TET3: variants seen among roughly 807,000 people sequenced by gnomAD.
TET3 encodes the protein methylcytosine dioxygenase TET3.
In TET3, 19 loss-of-function variants were observed where a neutral mutation model predicts 141.4. The ratio of observed to expected loss-of-function variants is 0.13; its 90% CI spans 0.09 to 0.20. TET3 has a LOEUF of 0.20. Ranked by LOEUF, TET3 falls within the 10% of genes least tolerant of loss-of-function variation. The pLI, the probability that TET3 is intolerant of heterozygous loss-of-function variation, is 1.00. For missense variants in TET3, 1,874 were observed against 2,356.9 expected, an observed-to-expected ratio of 0.80 and a Z score of 4.24; for synonymous variants, 1,043 against 980.9, an observed-to-expected ratio of 1.06 and a Z score of -1.18.
chr2:74,000,206 A>T (rs1297463704), intron 2 of TET3, among the ~76,000 whole-genome samples: 1 of 152,140 alleles, frequency 6.6e-6, no homozygotes, highest in African/African-American at 2.4e-5. Context: ...GACCTCAGGG[A>T]GAAGGCTGAC....
At position 74,099,602 on chromosome 2, in the gene TET3, G is replaced by A. The variant is rs777890533; in HGVS notation, c.3594G>A (p.Thr1198=). The change falls in exon 11 of 12, where the codon ACG becomes ACA. Residue 1198 remains threonine (T), a synonymous_variant. Transcript: ENST00000409262. Reference sequence around the variant, plus strand: ...AGGCCCTGGAGCTGGCGGGCATTACGTCGGACCCAGGTGTGTGGGGGGAGG... The same window carrying A: ...AGGCCCTGGAGCTGGCGGGCATTACATCGGACCCAGGTGTGTGGGGGGAGG... ...KQEALELAGI[T]SDPGLSLKGG... is the part of the protein sequence containing the mutation. 5.7e-6 allele frequency: 9 copies of A among 1,574,408 alleles called. No homozygotes were observed. The highest frequency in any genetic ancestry group is 2.3e-5 in the East Asian group (1 of 42,920).
At chr2:74,132,918 T>C in the TET3 span, among the ~76,000 whole-genome samples, 1 of 151,948 alleles carries the variant, frequency 6.6e-6, no homozygotes, top group African/African-American at 2.4e-5. Flanking sequence ...TTCTTTTTGA[T>C]ACGGAGTCTG....
intron 6 of TET3, among the ~76,000 whole-genome samples, chr2:74,086,992 G>A (rs1022967818): frequency 4.0e-5 from 6 of 151,856 alleles, no homozygotes; most frequent in Non-Finnish European, 8.8e-5. Flanking sequence ...CCTTTCCCAG[G>A]CCCTCGTAAG....
rs1004413885 is a variant in TET3, at chr2:74,107,610, G to C, written c.*5434G>C. On this transcript the variant is annotated 3_prime_UTR_variant, in exon 12 of 12. Transcript: ENST00000409262. Reference sequence around the variant, plus strand: ...CATGTATTCCAATTAAAGAAACAAGGGCAGGTCGTATAATGGCATATTAAT... The same window carrying C: ...CATGTATTCCAATTAAAGAAACAAGCGCAGGTCGTATAATGGCATATTAAT... The C allele has an allele frequency of 1.3e-5, 2 of 152,080 alleles. No homozygotes were observed. Among genetic ancestry groups the C allele is most frequent in the African/African-American group, 4.8e-5 (2 of 41,386 alleles). 9.4% of individuals were successfully genotyped at this position (152,080 alleles called of 1,614,324 possible). A position where few individuals can be genotyped will look rare whatever the true frequency, so the allele number is the denominator to read the frequency against.
chr2:73,987,984 C>T (rs554012578), intron 2 of TET3, among the ~76,000 whole-genome samples: 2 of 152,152 alleles, frequency 1.3e-5, no homozygotes, highest in South Asian at 2.1e-4. Context: ...TATTTCTGCC[C>T]CTTCTCACCT....
chr2:74,134,412 C>G, the TET3 span: 1 of 278,758 alleles, frequency 3.6e-6, no homozygotes, highest in Non-Finnish European at 7.2e-6. Context: ...AATTACAAAA[C>G]GGGGGCACAA....
chr2:74,126,181 G>T, the TET3 span, among the ~76,000 whole-genome samples: 1 of 151,938 alleles, frequency 6.6e-6, no homozygotes, highest in African/African-American at 2.4e-5. Flanking sequence ...GGAGAAATTT[G>T]GTCAGTTAAC....
At chr2:74,114,853 C>CAAAAAAAAAATAAAA in the TET3 span, among the ~76,000 whole-genome samples, 1 of 43,882 alleles carries the variant, frequency 2.3e-5, no homozygotes, top group African/African-American at 1.1e-4. Flanking sequence ...GACTCTGTCT[C>CAAAAAAAAAATAAAA]AAAAAAAAAA....
chr2:74,117,580 A>G, the TET3 span, among the ~76,000 whole-genome samples: 1 of 152,156 alleles, frequency 6.6e-6, no homozygotes, highest in African/African-American at 2.4e-5. Flanking sequence ...GAAAATTTGC[A>G]CAAATGGTAC....
Position 74,101,959 on chromosome 2 carries a change from A to C in TET3, c.5171A>C (p.Gln1724Pro), listed in dbSNP as rs1479270232. The change falls in exon 12 of 12, where the codon CAG (glutamine) becomes CCG (proline). Residue 1724 changes from glutamine (Q) to proline (P), a missense_variant. This residue lies in a region of TET3 where 113 missense variants were observed against 114.3 expected (regional missense o/e 0.99). Coordinates refer to ENST00000409262, the MANE Select transcript of TET3 (RefSeq NM_001287491.2). This position sits in a 1 kb window ranked among gnomAD's most constrained non-coding sequence, Gnocchi z 8.5. ...KQLAERARAR[Q>P]EEAARLGLGQ... is the part of the protein sequence containing the mutation. Reference sequence around the variant, plus strand: ...CTGGCGGAGAGGGCACGGGCACGGCAGGAGGAGGCTGCCCGGCTGGGCCTG... The same window carrying C: ...CTGGCGGAGAGGGCACGGGCACGGCCGGAGGAGGCTGCCCGGCTGGGCCTG... The C allele has an allele frequency of 6.2e-7, 1 of 1,609,942 alleles. No homozygotes were observed. The highest frequency in any genetic ancestry group is 8.5e-7 in the Non-Finnish European group (1 of 1,177,280).
the TET3 span, among the ~76,000 whole-genome samples, chr2:74,127,588 G>T: frequency 7.9e-5 from 12 of 152,058 alleles, no homozygotes; most frequent in Non-Finnish European, 1.8e-4. Context: ...CTCATTTCCA[G>T]ACTAACTACC....
At chr2:74,050,232 G>T (rs1687876243) in intron 4 of TET3, among the ~76,000 whole-genome samples, 1 of 152,182 alleles carries the variant, frequency 6.6e-6, no homozygotes, top group Non-Finnish European at 1.5e-5. Flanking sequence ...GAGTGCTTGG[G>T]CACTTTACAT....
chr2:74,048,510 G>C (rs1687770545), intron 4 of TET3, 99 bp downstream of exon 4: 4 of 1,277,208 alleles, frequency 3.1e-6, no homozygotes, highest in Non-Finnish European at 4.3e-6. Context: ...ACATTTATTT[G>C]TGCCAACTGC....
chr2:74,106,940 T>TTAAG lies in TET3; in HGVS notation c.*4766_*4769dup, dbSNP rs1010191667. On this transcript the variant is annotated 3_prime_UTR_variant, in exon 12 of 12. Transcript: ENST00000409262. ...GAGCGTAGTTGGCTGTATTTCATGT[T>TTAAG]TAAGTTTTGCTTTTGAATAAAATGT... 438 of 152,364 alleles carry TTAAG rather than the reference T, an allele frequency of 2.9e-3. 3 individuals carry two copies. Among genetic ancestry groups the TTAAG allele is most frequent in the African/African-American group, 9.9e-3 (413 of 41,586 alleles). 9.4% of individuals were successfully genotyped at this position (152,364 alleles called of 1,614,324 possible). A position where few individuals can be genotyped will look rare whatever the true frequency, so the allele number is the denominator to read the frequency against.
Position 74,093,785 on chromosome 2 carries a change from A to C in TET3, c.3267+119A>C. The C allele has an allele frequency of 7.7e-7, 1 of 1,306,650 alleles. No individual in the cohort carries two copies. Among genetic ancestry groups the C allele is most frequent in the Non-Finnish European group, 1.0e-6 (1 of 1,000,694 alleles). 80.9% of individuals were successfully genotyped at this position (1,306,650 alleles called of 1,614,324 possible). On this transcript the variant is annotated intron_variant, in intron 10 of 11. Coordinates refer to ENST00000409262, the MANE Select transcript of TET3 (RefSeq NM_001287491.2). This position sits in a 1 kb window ranked among gnomAD's most constrained non-coding sequence, Gnocchi z 4.2. ...GGGACCTGGAGACAGGATCCTCAGA[A>C]CTCTGGAAGGTTCCCTGCAAGACGG... is the stretch of plus-strand genomic sequence containing the variant.
chr2:73,992,765 G>A (rs1298616701), intron 2 of TET3, among the ~76,000 whole-genome samples: 1 of 152,190 alleles, frequency 6.6e-6, no homozygotes, highest in East Asian at 1.9e-4. Flanking sequence ...AAGAGATTTT[G>A]AAAATTGTAA....
chr2:74,127,091 G>A, the TET3 span, among the ~76,000 whole-genome samples: 42,590 of 151,978 alleles, frequency 0.28, 6,342 homozygotes, highest in East Asian at 0.49. Flanking sequence ...CTGAGACTTA[G>A]TTTTAGGTAG....
intron 10 of TET3, among the ~76,000 whole-genome samples, chr2:74,096,937 C>G (rs1357808470): frequency 6.6e-6 from 1 of 150,998 alleles, no homozygotes; most frequent in East Asian, 1.9e-4. Flanking sequence ...ACAAAAAATA[C>G]CAAAAATTTG....
At chr2:74,069,955 A>G (rs963708444) in intron 4 of TET3, among the ~76,000 whole-genome samples, 12 of 152,066 alleles carry the variant, frequency 7.9e-5, no homozygotes, top group African/African-American at 2.9e-4. Flanking sequence ...CATTCTCTTA[A>G]CTTTTGTGAC....
Sources: gnomAD v4.1 joint callset for allele counts (sites outside exome capture counted in the v4.1 genomes callset) on GRCh38, gnomAD v4.1.1 for gene constraint, gnomAD v4.1.1 regional missense constraint, Gnocchi (gnomAD v3.1) non-coding constraint, MANE v1.5 for transcripts, NCBI Gene and HGNC (gene_info 2026-07-23, HGNC 2026-07-21) for gene names.